Variants in PREPL observed in about 807,000 individuals in gnomAD.
PREPL encodes the protein prolyl endopeptidase-like.
Under a neutral mutation model 70.6 loss-of-function variants are expected in PREPL, and 77 were observed. The observed-to-expected ratio is 1.09, with a 90% confidence interval of 0.91 to 1.32. The LOEUF is 1.32. Ranked by LOEUF, PREPL falls within the 40% of genes most tolerant of loss-of-function variation. The pLI, the probability that PREPL is intolerant of heterozygous loss-of-function variation, is 0.00. For synonymous variants in PREPL, 315 were observed against 264.8 expected, an observed-to-expected ratio of 1.19 and a Z score of -1.84; for missense variants, 1,002 against 778.2, an observed-to-expected ratio of 1.29 and a Z score of -3.42.
rs371223439 is a variant in PREPL, at chr2:44,321,275, A to AT, written c.*80dup. The AT allele has an allele frequency of 5.0e-3, 5,411 of 1,075,840 alleles. 1 individual carries two copies. Among genetic ancestry groups the AT allele is most frequent in the African/African-American group, 6.4e-3 (394 of 61,406 alleles). The allele number at this position is 1,075,840 out of a possible 1,614,324, so 66.6% of individuals were successfully genotyped here. ...ATAACTTAAAAGTCTCAAGTTATTA[A>AT]TTTTTTTTTTGCTAACTCAATTGGA... is the stretch of plus-strand genomic sequence containing the variant. On this transcript the variant is annotated 3_prime_UTR_variant, in exon 14 of 14. Coordinates refer to ENST00000409411, the MANE Select transcript of PREPL (RefSeq NM_001171613.2).
At position 44,346,422 on chromosome 2, in the gene PREPL, T is replaced by C. The variant is rs748355329; in HGVS notation, c.-48-32A>G. 4 of 1,601,894 alleles carry C rather than the reference T, an allele frequency of 2.5e-6. No individual in the cohort carries two copies. The African/African-American group carries it at 5.4e-5, about 22-fold the overall frequency. The stretch of plus-strand genomic sequence containing the variant: ...AAAGTTTTGTTATGATCAAAATATT[T>C]CAAACTAGGGAAAAAAAACTTTTGC... On this transcript the variant is annotated intron_variant, in intron 1 of 13. Transcript: ENST00000409411.
At chr2:44,341,562 T>C (rs548955805) in intron 5 of PREPL, among the ~76,000 whole-genome samples, 3 of 152,184 alleles carry the variant, frequency 2.0e-5, no homozygotes, top group Admixed American at 6.5e-5. Flanking sequence ...TTGTTAGATA[T>C]GTGGTTACAG....
intron 5 of PREPL, among the ~76,000 whole-genome samples, chr2:44,342,014 A>T (rs2103963131): frequency 6.6e-6 from 1 of 152,270 alleles, no homozygotes; most frequent in East Asian, 1.9e-4. Flanking sequence ...ATACCTATCT[A>T]AGTATATACC....
intron 1 of PREPL, chr2:44,360,401 G>A (rs988618195): frequency 6.6e-6 from 1 of 152,108 alleles, no homozygotes; most frequent in Non-Finnish European, 1.5e-5. Context: ...CACTTGTACA[G>A]TAAGCTGTAT....
intron 1 of PREPL, chr2:44,359,781 G>C: frequency 8.6e-7 from 1 of 1,158,468 alleles, no homozygotes. Flanking sequence ...TTATAGGTAT[G>C]ATTACAGAGT....
At position 44,320,929 on chromosome 2, in the gene PREPL, G is replaced by A. The variant is rs1008171195; in HGVS notation, c.*427C>T. 12 of 434,596 alleles carry A rather than the reference G, an allele frequency of 2.8e-5. No homozygotes were observed. Among genetic ancestry groups the A allele is most frequent in the Non-Finnish European group, 4.6e-5 (11 of 239,982 alleles). 26.9% of individuals were successfully genotyped at this position (434,596 alleles called of 1,614,324 possible). On this transcript the variant is annotated 3_prime_UTR_variant, in exon 14 of 14. Coordinates refer to ENST00000409411, the MANE Select transcript of PREPL (RefSeq NM_001171613.2). ...TTCAAAAACTTTAACGAATTTTAAG[G>A]GGAAGAATTTTATCTTTTCCCTTAA...
At chr2:44,322,044 A>G in intron 12 of PREPL, 144 bp from the exon 13 acceptor site, 1 of 793,848 alleles carries the variant, frequency 1.3e-6, no homozygotes, top group Non-Finnish European at 1.9e-6. Flanking sequence ...TCATCAACAA[A>G]AAGATGGGAG....
intron 7 of PREPL, among the ~76,000 whole-genome samples, chr2:44,337,907 A>G (rs1450787005): frequency 6.6e-6 from 1 of 152,242 alleles, no homozygotes; most frequent in East Asian, 1.9e-4. Flanking sequence ...TGGCAGACAG[A>G]AGATGATGCA....
chr2:44,339,428 C>T lies in PREPL; in HGVS notation c.486-65G>A, dbSNP rs1572884351. The T allele has an allele frequency of 8.2e-6, 13 of 1,580,510 alleles. No homozygotes were observed. The East Asian group carries it at 3.0e-4, about 36-fold the overall frequency. On this transcript the variant is annotated intron_variant, in intron 5 of 13. Coordinates refer to ENST00000409411, the MANE Select transcript of PREPL (RefSeq NM_001171613.2). ...CAGATGCATGCTACCTTGTTAAGGA[C>T]AGTATCTCAGAGGTGGTCAGTATAC...
At chr2:44,329,835 A>G (rs1044976605) in intron 8 of PREPL, among the ~76,000 whole-genome samples, 1 of 152,236 alleles carries the variant, frequency 6.6e-6, no homozygotes, top group African/African-American at 2.4e-5. Flanking sequence ...CAGTCTCTGA[A>G]CAGACAAAAG....
In PREPL at chr2:44,318,094, T is replaced by C. The variant is rs1558473549; in HGVS notation, c.*3262A>G. ...AATAATACTTAAAGGATCTCAACAC[T>C]GTTTTTTTTTTTTTTTGAGACAGTC... On this transcript the variant is annotated 3_prime_UTR_variant, in exon 14 of 14. Coordinates refer to ENST00000409411, the MANE Select transcript of PREPL (RefSeq NM_001171613.2). The C allele has an allele frequency of 2.7e-6, 1 of 368,322 alleles. No individual in the cohort carries two copies. Among genetic ancestry groups the C allele is most frequent in the Non-Finnish European group, 5.1e-6 (1 of 194,724 alleles). 22.8% of individuals were successfully genotyped at this position (368,322 alleles called of 1,614,324 possible). A position where few individuals can be genotyped will look rare whatever the true frequency, so the allele number is the denominator to read the frequency against.
At chr2:44,326,494 G>T (rs1400776339) in intron 10 of PREPL, among the ~76,000 whole-genome samples, 1 of 147,970 alleles carries the variant, frequency 6.8e-6, no homozygotes, top group Admixed American at 6.7e-5. Flanking sequence ...AGCCTGGGTA[G>T]GTTTTTTTTT....
chr2:44,358,894 C>T (rs1399399530), intron 1 of PREPL, among the ~76,000 whole-genome samples: 1 of 152,004 alleles, frequency 6.6e-6, no homozygotes, highest in Non-Finnish European at 1.5e-5. Context: ...AAACAATTAG[C>T]GTATCATTAG....
intron 10 of PREPL, among the ~76,000 whole-genome samples, chr2:44,323,678 T>A (rs1396975354): frequency 6.6e-6 from 1 of 152,206 alleles, no homozygotes; most frequent in African/African-American, 2.4e-5. Flanking sequence ...TAGTACCTTT[T>A]ATTCATTTAT....
chr2:44,343,199 T>C (rs1378914346), intron 4 of PREPL, among the ~76,000 whole-genome samples: 1 of 152,180 alleles, frequency 6.6e-6, no homozygotes, highest in African/African-American at 2.4e-5. Flanking sequence ...AGTTAAACAA[T>C]GGAGAAAATG....
Position 44,320,536 on chromosome 2 carries a change from C to T in PREPL, c.*820G>A, listed in dbSNP as rs121912695. ...GAGGGACTCATCTTTGAACACAACA[C>T]GAAGAATCTCCTTCATCGCCAAACA... On this transcript the variant is annotated 3_prime_UTR_variant, in exon 14 of 14. Transcript: ENST00000409411. The T allele has an allele frequency of 9.9e-6, 16 of 1,613,918 alleles. No individual in the cohort carries two copies. Among genetic ancestry groups the T allele is most frequent in the African/African-American group, 2.7e-5 (2 of 74,916 alleles).
rs764488098 is a variant in PREPL at position 44,320,579 on chromosome 2, CTT to C, written c.*775_*776del. 12 of 1,614,048 alleles carry C rather than the reference CTT, an allele frequency of 7.4e-6. No individual in the cohort carries two copies. Among genetic ancestry groups the C allele is most frequent in the Non-Finnish European group, 8.5e-6 (10 of 1,179,940 alleles). ...GCCAAACAGCTTTCAGAGATAGATG[CTT>C]TGTTTCCAATCGAGCATGCTATTCC... On this transcript the variant is annotated 3_prime_UTR_variant, in exon 14 of 14. Transcript: ENST00000409411.
At chr2:44,351,597 G>T (rs895086722) in intron 1 of PREPL, among the ~76,000 whole-genome samples, 1 of 151,508 alleles carries the variant, frequency 6.6e-6, no homozygotes, top group Non-Finnish European at 1.5e-5. Flanking sequence ...CAGCTACTCA[G>T]GCTTAAAAAC....
intron 1 of PREPL, among the ~76,000 whole-genome samples, chr2:44,352,759 A>C (rs1316386419): frequency 6.6e-6 from 1 of 152,224 alleles, no homozygotes; most frequent in Non-Finnish European, 1.5e-5. Flanking sequence ...AACATATTTA[A>C]CAAAAGATAT....
Sources: allele counts gnomAD v4.1 joint callset (sites outside exome capture counted in the v4.1 genomes callset), GRCh38; gene constraint gnomAD v4.1.1; transcripts MANE v1.5; gene names NCBI Gene and HGNC (gene_info 2026-07-23, HGNC 2026-07-21).